COL23A1: variants seen among roughly 807,000 people sequenced by gnomAD.
COL23A1 encodes collagen alpha-1(XXIII) chain.
In COL23A1, 97 loss-of-function variants were observed where a neutral mutation model predicts 99.3. The observed-to-expected ratio is 0.98, with a 90% CI of 0.83 to 1.16. The LOEUF is 1.16. Among genes scored for constraint, COL23A1 ranks in the 50% most tolerant of loss-of-function variants. The pLI is 0.00. For synonymous variants in COL23A1, 320 were observed against 308.2 expected (o/e 1.04, Z -0.40); for missense variants, 762 against 757.4 (o/e 1.01, Z -0.07).
intron 2 of COL23A1, among the ~76,000 whole-genome samples, chr5:178,552,295 G>A (rs1040293926): frequency 5.3e-5 from 8 of 151,668 alleles, no homozygotes; most frequent in African/African-American, 7.2e-5. Context: ...TAGGAGAGAC[G>A]AATGAATGAA....
chr5:178,249,416 C>T (rs1207387177), intron 18 of COL23A1, among the ~76,000 whole-genome samples: 7 of 152,190 alleles, frequency 4.6e-5, no homozygotes, highest in African/African-American at 1.7e-4. Flanking sequence ...CGGGTGTGGG[C>T]ACCGCAGGGC....
intron 1 of COL23A1, among the ~76,000 whole-genome samples, chr5:178,587,512 T>C (rs1764063050): frequency 6.6e-6 from 1 of 152,204 alleles, no homozygotes; most frequent in Non-Finnish European, 1.5e-5. Context: ...TTTTCTTTAA[T>C]GTGGACATGG....
intron 2 of COL23A1, among the ~76,000 whole-genome samples, chr5:178,499,895 A>G (rs758771250): frequency 3.9e-5 from 6 of 152,244 alleles, no homozygotes; most frequent in Non-Finnish European, 7.3e-5. Flanking sequence ...TTATTTATAA[A>G]TGCTACACCA....
intron 2 of COL23A1, among the ~76,000 whole-genome samples, chr5:178,460,350 C>T (rs942032342): frequency 1.3e-5 from 2 of 152,056 alleles, no homozygotes; most frequent in Non-Finnish European, 2.9e-5. Flanking sequence ...ATGAGCATGG[C>T]ACTGCCCATC....
chr5:178,555,137 C>T (rs1762199418), intron 2 of COL23A1, among the ~76,000 whole-genome samples: 1 of 151,086 alleles, frequency 6.6e-6, no homozygotes, highest in Non-Finnish European at 1.5e-5. Flanking sequence ...TTCACATGGC[C>T]TGCCCTCTGC....
chr5:178,527,182 C>G (rs566554197), intron 2 of COL23A1, among the ~76,000 whole-genome samples: 1 of 152,108 alleles, frequency 6.6e-6, no homozygotes, highest in South Asian at 2.1e-4. Flanking sequence ...GGCGGGGGGC[C>G]CTCGGTGAGG....
At chr5:178,508,674 C>T (rs1250553111) in intron 2 of COL23A1, among the ~76,000 whole-genome samples, 4 of 152,170 alleles carry the variant, frequency 2.6e-5, no homozygotes, top group Non-Finnish European at 2.9e-5. Context: ...CCATCGTGGC[C>T]GGGAGAGGCC....
rs1052567795 is a variant in COL23A1 at position 178,313,544 on chromosome 5, C to T, written c.362-6625G>A. 1.3e-5 allele frequency among the ~76,000 whole-genome samples: 2 copies of T among 152,154 alleles called. No individual in the cohort carries two copies. The highest frequency in any genetic ancestry group is 4.8e-5 in the African/African-American group (2 of 41,418). The stretch of plus-strand genomic sequence containing the variant: ...AGAGGATGGCATCCCCAAGGTCACA[C>T]AGTGGAGAAATGGCGGAACTGGAAC... On this transcript the variant is annotated intron_variant, in intron 2 of 28. Coordinates refer to ENST00000390654, the MANE Select transcript of COL23A1 (RefSeq NM_173465.4). The surrounding 1 kb of genome is among the most constrained non-coding windows in gnomAD (Gnocchi z 4.2).
At chr5:178,543,280 T>C (rs1761396203) in intron 2 of COL23A1, among the ~76,000 whole-genome samples, 1 of 152,108 alleles carries the variant, frequency 6.6e-6, no homozygotes, top group South Asian at 2.1e-4. Flanking sequence ...GCTAATTTTG[T>C]ATTTTTAGTA....
chr5:178,328,968 G>A (rs553763267), intron 2 of COL23A1, among the ~76,000 whole-genome samples: 18 of 152,322 alleles, frequency 1.2e-4, no homozygotes, highest in African/African-American at 3.8e-4. Context: ...AAATGGGCAC[G>A]AACACAGCCA....
chr5:178,569,824 C>T (rs1371372559), intron 1 of COL23A1, among the ~76,000 whole-genome samples: 1 of 152,170 alleles, frequency 6.6e-6, no homozygotes, highest in Non-Finnish European at 1.5e-5. Context: ...CCCTGCCACA[C>T]AGCCCCTCCA....
chr5:178,564,739 G>C (rs1232414356), intron 1 of COL23A1, among the ~76,000 whole-genome samples: 1 of 152,178 alleles, frequency 6.6e-6, no homozygotes, highest in Non-Finnish European at 1.5e-5. Flanking sequence ...CAGAGGATAC[G>C]TTTATTAACG....
intron 2 of COL23A1, among the ~76,000 whole-genome samples, chr5:178,463,390 G>T (rs1295115014): frequency 1.3e-5 from 2 of 152,178 alleles, no homozygotes; most frequent in Non-Finnish European, 2.9e-5. Context: ...CTCTTCCTGG[G>T]CTGAGGCCGT....
intron 1 of COL23A1, among the ~76,000 whole-genome samples, chr5:178,566,478 T>C (rs1762846292): frequency 6.6e-6 from 1 of 152,180 alleles, no homozygotes; most frequent in Non-Finnish European, 1.5e-5. Flanking sequence ...TGGGGAAAAG[T>C]GTAGCTCACC....
intron 6 of COL23A1, among the ~76,000 whole-genome samples, chr5:178,269,631 C>T (rs1339629946): frequency 6.9e-6 from 1 of 145,334 alleles, no homozygotes; most frequent in Non-Finnish European, 1.5e-5. Context: ...TCCATTCATC[C>T]ACCCATCCAC....
At position 178,567,750 on chromosome 5, in the gene COL23A1, T is replaced by A. The variant is rs141033895; in HGVS notation, c.295-7002A>T. ...CTTAGAATGGCCAAAGCTGGAACAA[T>A]TTAAGCAACAAAATAAATAATGTTG... is the stretch of plus-strand genomic sequence containing the variant. On this transcript the variant is annotated intron_variant, in intron 1 of 28. Transcript: ENST00000390654. Among the ~76,000 whole-genome samples, 105 of 152,260 alleles carry A rather than the reference T, an allele frequency of 6.9e-4. No homozygotes were observed. In the South Asian group the frequency reaches 7.7e-3, roughly 11 times the overall value.
rs1761496318 is a variant in COL23A1 at position 178,544,867 on chromosome 5, G to A, written c.361+15815C>T. Among the ~76,000 whole-genome samples, 1 of 152,110 alleles carries A rather than the reference G, an allele frequency of 6.6e-6. No homozygotes were observed. The highest frequency in any genetic ancestry group is 1.5e-5 in the Non-Finnish European group (1 of 68,010). On this transcript the variant is annotated intron_variant, in intron 2 of 28. Transcript: ENST00000390654. The surrounding 1 kb of genome is among the most constrained non-coding windows in gnomAD (Gnocchi z 4.4). ...GTGGAGCCCAGGAGTTTGAGACCAG[G>A]GAGGCCAGGCTGAGCAACACAGCAA...
rs748791520 is a variant in COL23A1, at chr5:178,365,414, G to A, written c.362-58495C>T. Among the ~76,000 whole-genome samples the A allele has an allele frequency of 5.9e-5, 9 of 151,982 alleles. No individual in the cohort carries two copies. Among genetic ancestry groups the A allele is most frequent in the Admixed American group, 3.3e-4 (5 of 15,262 alleles). On this transcript the variant is annotated intron_variant, in intron 2 of 28. Coordinates refer to ENST00000390654, the MANE Select transcript of COL23A1 (RefSeq NM_173465.4). This position sits in a 1 kb window ranked among gnomAD's most constrained non-coding sequence, Gnocchi z 5.2. ...GCTTCCCACTGGCCTCCTCCCTCCCGGACACTCACGCATTTCAGGTCTGAC... is the reference window on the plus strand; with the variant it reads ...GCTTCCCACTGGCCTCCTCCCTCCCAGACACTCACGCATTTCAGGTCTGAC...
chr5:178,540,223 A>G (rs565975202), intron 2 of COL23A1, among the ~76,000 whole-genome samples: 28 of 152,244 alleles, frequency 1.8e-4, no homozygotes, highest in Admixed American at 1.2e-3. Flanking sequence ...AAAGGAACAA[A>G]CACAACTCTA....
Sources: allele counts gnomAD v4.1 joint callset (sites outside exome capture counted in the v4.1 genomes callset), GRCh38; gene constraint gnomAD v4.1.1; non-coding constraint Gnocchi (gnomAD v3.1); transcripts MANE v1.5; gene names NCBI Gene and HGNC (gene_info 2026-07-23, HGNC 2026-07-21).